Variants in PDE4D observed in about 807,000 individuals in gnomAD.
The protein encoded by PDE4D is phosphodiesterase 4D.
Under a neutral mutation model 87.4 loss-of-function variants are expected in PDE4D, and 24 were observed. That is an observed-to-expected ratio of 0.27 (90% CI 0.20 to 0.39). The LOEUF (loss-of-function observed/expected upper bound fraction) is 0.39, where lower values mean the gene tolerates loss of function less well. PDE4D is among the 10% of genes least tolerant of loss of function. The pLI, the probability that PDE4D is intolerant of heterozygous loss-of-function variation, is 1.00. For synonymous variants in PDE4D, 384 were observed against 383.2 expected, an observed-to-expected ratio of 1.00 and a Z score of -0.02; for missense variants, 714 against 1,041.0, an observed-to-expected ratio of 0.69 and a Z score of 4.32.
chr5:59,975,839 C>G (rs1250187706), intron 3 of PDE4D, among the ~76,000 whole-genome samples: 1 of 152,226 alleles, frequency 6.6e-6, no homozygotes, highest in Non-Finnish European at 1.5e-5. Context: ...CTGCTGTTCT[C>G]TCTTCCTGGA....
At chr5:59,374,305 T>A (rs1166661319) in intron 1 of PDE4D, among the ~76,000 whole-genome samples, 1 of 151,986 alleles carries the variant, frequency 6.6e-6, no homozygotes, top group South Asian at 2.1e-4. Flanking sequence ...ATGATACACA[T>A]AGGCTCAAAA....
intron 1 of PDE4D, among the ~76,000 whole-genome samples, chr5:59,420,184 T>C (rs1211410760): frequency 6.6e-6 from 1 of 152,218 alleles, no homozygotes; most frequent in Non-Finnish European, 1.5e-5. Flanking sequence ...ACAGTACGTG[T>C]AAAATTTCTC....
At chr5:59,936,112 C>CA (rs904076740) in intron 3 of PDE4D, among the ~76,000 whole-genome samples, 4 of 151,224 alleles carry the variant, frequency 2.6e-5, no homozygotes, top group African/African-American at 9.7e-5. Flanking sequence ...ATCGCAAGGA[C>CA]AAAAAACCAA....
At chr5:59,169,314 T>C (rs1782393254) in intron 5 of PDE4D, among the ~76,000 whole-genome samples, 1 of 56,146 alleles carries the variant, frequency 1.8e-5, no homozygotes, top group African/African-American at 8.8e-5. Context: ...TTTGTGTGGT[T>C]CTTTTATTTT....
At chr5:59,222,360 C>A (rs1752739194) in intron 1 of PDE4D, among the ~76,000 whole-genome samples, 1 of 152,112 alleles carries the variant, frequency 6.6e-6, no homozygotes. Context: ...GATATGGGCC[C>A]TCTCCTGAGC....
intron 1 of PDE4D, among the ~76,000 whole-genome samples, chr5:59,681,187 C>T (rs1374593831): frequency 6.6e-6 from 1 of 151,956 alleles, no homozygotes; most frequent in Non-Finnish European, 1.5e-5. Context: ...AAAAAGTACT[C>T]AAAGAATGAT....
intron 1 of PDE4D, among the ~76,000 whole-genome samples, chr5:59,387,953 C>T (rs192559863): frequency 2.0e-5 from 3 of 152,096 alleles, no homozygotes; most frequent in African/African-American, 7.2e-5. Context: ...GTCTTCAGCC[C>T]CCACCCATCA....
At chr5:59,720,872 G>C (rs924214639) in intron 1 of PDE4D, among the ~76,000 whole-genome samples, 2 of 152,098 alleles carry the variant, frequency 1.3e-5, no homozygotes, top group African/African-American at 4.8e-5. Flanking sequence ...AGTATGTTTA[G>C]ACTTCTCTAA....
At chr5:59,519,909 TAC>T (rs34234985) in intron 1 of PDE4D, among the ~76,000 whole-genome samples, 64,130 of 151,138 alleles carry the variant, frequency 0.42, 15,343 homozygotes, top group African/African-American at 0.66. Flanking sequence ...ACCCCCCAAA[TAC>T]ACACACACAC....
At chr5:59,520,988 A>G (rs1004397928) in intron 1 of PDE4D, among the ~76,000 whole-genome samples, 15 of 152,170 alleles carry the variant, frequency 9.9e-5, no homozygotes, top group Admixed American at 9.8e-4. Flanking sequence ...CTGGAATAGA[A>G]ACGTTCCTAT....
rs181946228 is a variant in PDE4D, at chr5:60,500,652, T to A, written n.70+21399A>T. Among the ~76,000 whole-genome samples, 27 of 152,320 alleles carry A rather than the reference T, an allele frequency of 1.8e-4. 1 individual carries two copies. The highest frequency in any genetic ancestry group is 1.3e-3 in the Admixed American group (20 of 15,298). ...GGACTAAGCGGGGACTTTGTGAACA[T>A]ACATATGAAGTTTATATCCTGGCTT... On this transcript the variant is annotated intron_variant and non_coding_transcript_variant, in intron 1 of 2. Transcript: ENST00000506510.
chr5:59,228,047 A>T (rs1754218900), intron 1 of PDE4D, among the ~76,000 whole-genome samples: 1 of 152,234 alleles, frequency 6.6e-6, no homozygotes, highest in Non-Finnish European at 1.5e-5. Context: ...TCTGGTACAT[A>T]TATACCATGG....
intron 1 of PDE4D, among the ~76,000 whole-genome samples, chr5:59,331,455 T>G (rs1776716248): frequency 6.6e-6 from 1 of 152,166 alleles, no homozygotes. Flanking sequence ...TCTACCCTAA[T>G]GATCTCATTT....
intron 1 of PDE4D, among the ~76,000 whole-genome samples, chr5:59,427,861 A>T (rs1795535427): frequency 1.3e-5 from 2 of 152,074 alleles, no homozygotes; most frequent in African/African-American, 4.8e-5. Context: ...AAATTGAGAC[A>T]TAAAAGCTTC....
At chr5:59,465,870 C>T (rs1319181826) in intron 1 of PDE4D, among the ~76,000 whole-genome samples, 2 of 152,108 alleles carry the variant, frequency 1.3e-5, no homozygotes, top group African/African-American at 2.4e-5. Context: ...ATTCTGATTC[C>T]TTTTTTACAG....
intron 1 of PDE4D, among the ~76,000 whole-genome samples, chr5:59,503,737 G>A (rs116631659): frequency 0.02 from 3,019 of 152,242 alleles, 104 homozygotes; most frequent in African/African-American, 0.068. Flanking sequence ...CAGGTATGGT[G>A]AGTAAGCCCA....
chr5:59,609,404 A>G (rs938830521), intron 1 of PDE4D, among the ~76,000 whole-genome samples: 6 of 152,128 alleles, frequency 3.9e-5, no homozygotes, highest in Non-Finnish European at 7.4e-5. Context: ...ACACACATAT[A>G]TATATGTAGT....
intron 1 of PDE4D, among the ~76,000 whole-genome samples, chr5:59,642,292 T>A (rs565518967): frequency 7.2e-5 from 11 of 152,176 alleles, no homozygotes; most frequent in African/African-American, 2.6e-4. Context: ...TTACTACTTT[T>A]ATAATTTCAA....
At chr5:59,770,512 T>C (rs1339838734) in intron 1 of PDE4D, among the ~76,000 whole-genome samples, 1 of 152,062 alleles carries the variant, frequency 6.6e-6, no homozygotes, top group Non-Finnish European at 1.5e-5. Flanking sequence ...AAGAAAGAAG[T>C]GCACTTTACG....
Sources: allele counts gnomAD v4.1 joint callset (sites outside exome capture counted in the v4.1 genomes callset), GRCh38; gene constraint gnomAD v4.1.1; transcripts MANE v1.5; gene names NCBI Gene and HGNC (gene_info 2026-07-23, HGNC 2026-07-21).